The following GMPS variants were observed in gnomAD, a reference collection of about 807,000 sequenced individuals.
GMPS encodes the protein GMP synthase [glutamine-hydrolyzing].
In GMPS, 15 loss-of-function variants were observed where a neutral mutation model predicts 77.9. That is an observed-to-expected ratio of 0.19 (90% CI 0.13 to 0.30). The LOEUF (loss-of-function observed/expected upper bound fraction) is 0.30. Among genes scored for constraint, GMPS ranks in the 10% least tolerant of loss-of-function variants. GMPS has a pLI of 1.00. For missense variants in GMPS, 590 were observed against 838.8 expected, an observed-to-expected ratio of 0.70 and a Z score of 3.66; for synonymous variants, 224 against 275.9, an observed-to-expected ratio of 0.81 and a Z score of 1.86.
At chr3:155,899,847 A>T (rs116283987) in intron 3 of GMPS, among the ~76,000 whole-genome samples, 1,831 of 152,284 alleles carry the variant, frequency 0.012, 23 homozygotes, top group Non-Finnish European at 0.019. Context: ...ATCATACAGT[A>T]TGTAGCCTTT....
intron 15 of GMPS, among the ~76,000 whole-genome samples, chr3:155,937,258 A>T (rs559603215): frequency 6.6e-6 from 1 of 152,224 alleles, no homozygotes; most frequent in Non-Finnish European, 1.5e-5. Flanking sequence ...ATAAAATCAC[A>T]TGCTTGGATG....
At chr3:155,895,107 G>A (rs1230705116) in intron 2 of GMPS, among the ~76,000 whole-genome samples, 1 of 152,064 alleles carries the variant, frequency 6.6e-6, no homozygotes, top group Non-Finnish European at 1.5e-5. Context: ...GAAATCTAAT[G>A]GTGTTTCATG....
intron 15 of GMPS, among the ~76,000 whole-genome samples, chr3:155,936,725 A>G (rs1326238561): frequency 6.6e-6 from 1 of 152,156 alleles, no homozygotes; most frequent in Non-Finnish European, 1.5e-5. Context: ...TGATTACTGT[A>G]TAAAAAGTAA....
intron 1 of GMPS, among the ~76,000 whole-genome samples, chr3:155,885,323 A>G (rs1423873122): frequency 6.6e-6 from 1 of 152,210 alleles, no homozygotes; most frequent in Non-Finnish European, 1.5e-5. Context: ...TAAAGGAGGT[A>G]GTGAAAATGA....
chr3:155,871,448 G>T (rs1262705920), intron 1 of GMPS, among the ~76,000 whole-genome samples: 1 of 152,094 alleles, frequency 6.6e-6, no homozygotes, highest in African/African-American at 2.4e-5. Context: ...CATTCCCCCC[G>T]CCAGCCTTGG....
At chr3:155,935,835 T>G (rs937216877) in intron 14 of GMPS, among the ~76,000 whole-genome samples, 4 of 152,200 alleles carry the variant, frequency 2.6e-5, no homozygotes, top group African/African-American at 9.7e-5. Context: ...ATAAACTTCA[T>G]TCAGGCATGA....
At chr3:155,929,375 G>C (rs1208980405) in intron 12 of GMPS, among the ~76,000 whole-genome samples, 1 of 152,000 alleles carries the variant, frequency 6.6e-6, no homozygotes, top group Non-Finnish European at 1.5e-5. Flanking sequence ...AAAATAATAA[G>C]AGCTATCTAT....
chr3:155,926,601 A>T, intron 12 of GMPS, among the ~76,000 whole-genome samples: 1 of 151,196 alleles, frequency 6.6e-6, no homozygotes, highest in African/African-American at 2.5e-5. Flanking sequence ...AAATAAAAAA[A>T]AAGAAATTCT....
At chr3:155,890,353 A>C (rs1052124200) in intron 1 of GMPS, among the ~76,000 whole-genome samples, 1 of 152,240 alleles carries the variant, frequency 6.6e-6, no homozygotes, top group Non-Finnish European at 1.5e-5. Flanking sequence ...ATAATAATGC[A>C]AGCTGAAACC....
chr3:155,931,683 T>TTTAAAA (rs745576751), intron 12 of GMPS, 82 bp from the exon 13 acceptor site: 16 of 398,982 alleles, frequency 4.0e-5, no homozygotes, highest in South Asian at 1.6e-4. Context: ...CTTTTTTTTT[T>TTTAAAA]AAAAAAAAAA....
At chr3:155,894,276 T>G (rs910670308) in intron 2 of GMPS, among the ~76,000 whole-genome samples, 2 of 152,222 alleles carry the variant, frequency 1.3e-5, no homozygotes, top group African/African-American at 2.4e-5. Context: ...CAGGCTGAAG[T>G]GCAGCGGCAC....
rs1004347342 is a variant in GMPS, at chr3:155,943,353, C to G, written c.*5661C>G. On this transcript the variant is annotated 3_prime_UTR_variant, in exon 16 of 16. Coordinates refer to ENST00000496455, the MANE Select transcript of GMPS (RefSeq NM_003875.3). ...ATTTGGCTATTGAGTATATTAAGTACAACTACAAAATCCTCTGAGTTCTCC... is the reference window on the plus strand; with the variant it reads ...ATTTGGCTATTGAGTATATTAAGTAGAACTACAAAATCCTCTGAGTTCTCC... The G allele has an allele frequency of 5.5e-6, 1 of 181,328 alleles. No homozygotes were observed. The highest frequency in any genetic ancestry group is 2.4e-5 in the African/African-American group (1 of 42,542). 11.2% of individuals were successfully genotyped at this position (181,328 alleles called of 1,614,324 possible). A position where few individuals can be genotyped will look rare whatever the true frequency, so the allele number is the denominator to read the frequency against.
chr3:155,936,645 A>G, intron 15 of GMPS, 135 bp downstream of exon 15: 1 of 566,518 alleles, frequency 1.8e-6, no homozygotes, highest in Non-Finnish European at 3.1e-6. Flanking sequence ...TTTTTTTTTA[A>G]ATTTTCACAT....
intron 12 of GMPS, among the ~76,000 whole-genome samples, chr3:155,927,367 C>T (rs1038374298): frequency 9.2e-5 from 14 of 152,154 alleles, no homozygotes; most frequent in Non-Finnish European, 1.8e-4. Context: ...AGAACTTCAA[C>T]GTCTGTGTGC....
At chr3:155,902,190 A>C (rs1175365823) in intron 3 of GMPS, among the ~76,000 whole-genome samples, 1 of 152,184 alleles carries the variant, frequency 6.6e-6, no homozygotes. Context: ...GACATGGAGG[A>C]GAGAACATAG....
At chr3:155,907,352 G>A (rs1338408518) in intron 5 of GMPS, among the ~76,000 whole-genome samples, 1 of 152,144 alleles carries the variant, frequency 6.6e-6, no homozygotes, top group Non-Finnish European at 1.5e-5. Flanking sequence ...TGGGAGACTG[G>A]AAAGTGGATA....
intron 1 of GMPS, among the ~76,000 whole-genome samples, chr3:155,873,547 C>G (rs979568321): frequency 6.6e-6 from 1 of 151,828 alleles, no homozygotes; most frequent in East Asian, 1.9e-4. Context: ...CAGTAGTGAG[C>G]CACTGTGCCT....
At chr3:155,905,617 T>G (rs1754857909) in intron 4 of GMPS, among the ~76,000 whole-genome samples, 1 of 152,186 alleles carries the variant, frequency 6.6e-6, no homozygotes, top group South Asian at 2.1e-4. Context: ...AATGAAAGAT[T>G]ATAGGGTTTT....
intron 13 of GMPS, 36 bp from the exon 14 acceptor site, chr3:155,934,880 G>T: frequency 7.4e-7 from 1 of 1,354,418 alleles, no homozygotes; most frequent in Non-Finnish European, 1.1e-6. Context: ...CATTTGAAAT[G>T]TAATTGCTGT....
Sources: gnomAD v4.1 joint callset for allele counts (sites outside exome capture counted in the v4.1 genomes callset) on GRCh38, gnomAD v4.1.1 for gene constraint, MANE v1.5 for transcripts, NCBI Gene and HGNC (gene_info 2026-07-23, HGNC 2026-07-21) for gene names.